Variants in SMAD1 observed in about 807,000 individuals in gnomAD.
The protein encoded by SMAD1 is MAD, mothers against decapentaplegic homolog 1.
SMAD1 carries 6 observed loss-of-function variants against 41.6 expected under a neutral mutation model. The ratio of observed to expected loss-of-function variants is 0.14; its 90% CI spans 0.08 to 0.28. The LOEUF is 0.28. SMAD1 is among the 10% of genes least tolerant of loss of function. The pLI is 1.00. For missense variants in SMAD1, 379 were observed against 582.6 expected (o/e 0.65, Z 3.60); for synonymous variants, 206 against 203.2 (o/e 1.01, Z -0.12).
intron 2 of SMAD1, among the ~76,000 whole-genome samples, chr4:145,539,548 A>G (rs1356558480): frequency 6.6e-6 from 1 of 152,194 alleles, no homozygotes; most frequent in South Asian, 2.1e-4. Context: ...TATTTTGCCA[A>G]CTTTCCTTGG....
chr4:145,497,805 A>G (rs997122601), intron 1 of SMAD1: 26 of 152,240 alleles, frequency 1.7e-4, no homozygotes, highest in Non-Finnish European at 1.5e-5. Flanking sequence ...CTCTAAAACC[A>G]GTGAAAAACT....
intron 2 of SMAD1, among the ~76,000 whole-genome samples, chr4:145,528,266 G>T (rs1392442179): frequency 1.3e-5 from 2 of 152,034 alleles, no homozygotes; most frequent in East Asian, 3.9e-4. Flanking sequence ...ACTACACCCA[G>T]CTAAATTTTT....
chr4:145,496,870 T>G (rs1169724734), intron 1 of SMAD1, among the ~76,000 whole-genome samples: 2 of 152,296 alleles, frequency 1.3e-5, no homozygotes, highest in East Asian at 3.9e-4. Flanking sequence ...GTTTCTTGAG[T>G]TTTCAAACTA....
intron 2 of SMAD1, among the ~76,000 whole-genome samples, chr4:145,524,377 T>G (rs969764025): frequency 1.3e-5 from 2 of 152,178 alleles, no homozygotes; most frequent in African/African-American, 4.8e-5. Flanking sequence ...GCATTTGTTT[T>G]GGGTTATTAA....
At chr4:145,526,117 T>C (rs1361272638) in intron 2 of SMAD1, among the ~76,000 whole-genome samples, 2 of 152,248 alleles carry the variant, frequency 1.3e-5, no homozygotes, top group East Asian at 1.9e-4. Flanking sequence ...GTCTGGCTTA[T>C]GTGGTCGCAC....
At chr4:145,516,469 T>G (rs1355925326) in intron 2 of SMAD1, among the ~76,000 whole-genome samples, 5 of 152,212 alleles carry the variant, frequency 3.3e-5, no homozygotes, top group Non-Finnish European at 7.3e-5. Context: ...CTTTTAAGTT[T>G]CTCCATACAG....
chr4:145,550,012 G>A (rs1311789027), intron 5 of SMAD1, among the ~76,000 whole-genome samples: 3 of 152,050 alleles, frequency 2.0e-5, no homozygotes, highest in Non-Finnish European at 4.4e-5. Context: ...ATTGTGCTAT[G>A]GGACATTTCC....
At chr4:145,550,164 TTTGA>T (rs769329661) in intron 5 of SMAD1, among the ~76,000 whole-genome samples, 2 of 151,950 alleles carry the variant, frequency 1.3e-5, no homozygotes, top group African/African-American at 2.4e-5. Flanking sequence ...AGATGATATG[TTTGA>T]TTGACAGTAT....
chr4:145,508,594 A>AT (rs766665275), intron 1 of SMAD1, among the ~76,000 whole-genome samples: 1 of 152,156 alleles, frequency 6.6e-6, no homozygotes, highest in Non-Finnish European at 1.5e-5. Context: ...GTTTTGCAAA[A>AT]TTCTACTTAT....
intron 1 of SMAD1, among the ~76,000 whole-genome samples, chr4:145,506,173 A>G (rs1299458188): frequency 6.6e-6 from 1 of 152,110 alleles, no homozygotes; most frequent in Admixed American, 6.5e-5. Context: ...GTTGTCTTTA[A>G]AAAAAAGAAA....
At chr4:145,542,749 G>C in intron 4 of SMAD1, 51 bp downstream of exon 4, 1 of 1,240,562 alleles carries the variant, frequency 8.1e-7, no homozygotes, top group Non-Finnish European at 1.2e-6. Context: ...AGTTTGTCCA[G>C]ATGTTACTTT....
At chr4:145,530,002 T>C (rs770986720) in intron 2 of SMAD1, among the ~76,000 whole-genome samples, 2 of 152,184 alleles carry the variant, frequency 1.3e-5, no homozygotes, top group East Asian at 1.9e-4. Flanking sequence ...AACCCACTTA[T>C]AGTAGACAGG....
Position 145,514,994 on chromosome 4 carries a change from T to C in SMAD1, c.381T>C (p.Tyr127=), listed in dbSNP as rs774722467. 1 of 1,608,712 alleles carries C rather than the reference T, an allele frequency of 6.2e-7. No homozygotes were observed. The highest frequency in any genetic ancestry group is 2.2e-5 in the East Asian group (1 of 44,776). The change falls in exon 2 of 7, where the codon TAT becomes TAC. Residue 127 remains tyrosine, a synonymous_variant. Transcript: ENST00000302085. This position sits in a 1 kb window ranked among gnomAD's most constrained non-coding sequence, Gnocchi z 4.7. ...AGGTCTGCATCAATCCCTACCACTA[T>C]AAGAGAGTAGAAAGCCCTGGTAAGT... ...QKEVCINPYH[Y]KRVESPVLPP...
intron 2 of SMAD1, among the ~76,000 whole-genome samples, chr4:145,529,275 C>A (rs1731197173): frequency 6.6e-6 from 1 of 152,034 alleles, no homozygotes; most frequent in Admixed American, 6.5e-5. Context: ...TTTTCTACCT[C>A]TAACAACTCT....
At chr4:145,550,534 TAAAAC>T (rs1239175571) in intron 5 of SMAD1, among the ~76,000 whole-genome samples, 2 of 152,050 alleles carry the variant, frequency 1.3e-5, no homozygotes, top group Admixed American at 6.6e-5. Context: ...ATTAATTAAT[TAAAAC>T]AAAAGAGATA....
intron 2 of SMAD1, among the ~76,000 whole-genome samples, chr4:145,524,225 A>G (rs149394111): frequency 1.3e-5 from 2 of 152,338 alleles, no homozygotes; most frequent in East Asian, 3.9e-4. Flanking sequence ...TATTACTAGA[A>G]ACATGAAATA....
At chr4:145,483,862 C>T (rs977418838) in intron 1 of SMAD1, among the ~76,000 whole-genome samples, 2 of 152,166 alleles carry the variant, frequency 1.3e-5, no homozygotes, top group Non-Finnish European at 2.9e-5. Context: ...ATACATTTTA[C>T]CTCTTGCAGT....
At position 145,546,886 on chromosome 4, in the gene SMAD1, A is replaced by G; in HGVS notation, c.959A>G (p.Asn320Ser). The G allele has an allele frequency of 6.2e-7, 1 of 1,614,158 alleles. No individual in the cohort carries two copies. Among genetic ancestry groups the G allele is most frequent in the Non-Finnish European group, 8.5e-7 (1 of 1,179,998 alleles). ...CLGLLSNVNR[N>S]STIENTRRHI... ...GGGCTGCTCTCCAATGTTAACCGGA[A>G]TTCCACTATTGAAAACACCAGGCGG... The change falls in exon 5 of 7, where the codon AAT becomes AGT. Residue 320 changes from asparagine to serine, a missense_variant. Asn to Ser is a conservative substitution (Grantham distance 46, BLOSUM62 1). Transcript: ENST00000302085.
At chr4:145,553,502 G>T (rs1253605957) in intron 5 of SMAD1, among the ~76,000 whole-genome samples, 1 of 152,098 alleles carries the variant, frequency 6.6e-6, no homozygotes, top group African/African-American at 2.4e-5. Context: ...GCTTCTATGA[G>T]AATCTAATGC....
Sources: allele counts gnomAD v4.1 joint callset (sites outside exome capture counted in the v4.1 genomes callset), GRCh38; gene constraint gnomAD v4.1.1; non-coding constraint Gnocchi (gnomAD v3.1); transcripts MANE v1.5; gene names NCBI Gene and HGNC (gene_info 2026-07-23, HGNC 2026-07-21).